The following SPG11 variants were observed in gnomAD, a reference collection of about 807,000 sequenced individuals.
SPG11 encodes SPG11 vesicle trafficking associated, spatacsin, also known as spatacsin.
Under a neutral mutation model 274.0 loss-of-function variants are expected in SPG11, and 222 were observed. The ratio of observed to expected loss-of-function variants is 0.81; its 90% CI spans 0.73 to 0.91. The LOEUF (loss-of-function observed/expected upper bound fraction) is 0.91. SPG11 is among the 40% of genes least tolerant of loss of function. The pLI is 0.00. For missense variants in SPG11, 3,114 were observed against 2,872.7 expected (o/e 1.08, Z -1.92); for synonymous variants, 1,144 against 1,039.7 (o/e 1.10, Z -1.93).
chr15:44,566,126 C>T (rs1255098667), intron 37 of SPG11, 91 bp downstream of exon 37: 4 of 1,589,120 alleles, frequency 2.5e-6, no homozygotes, highest in Non-Finnish European at 3.4e-6. Context: ...TGCCCTCCCG[C>T]TTCACCTGGA....
chr15:44,569,947 A>G (rs971294637), intron 34 of SPG11, among the ~76,000 whole-genome samples: 3 of 152,118 alleles, frequency 2.0e-5, no homozygotes, highest in African/African-American at 7.2e-5. Flanking sequence ...ACCTCAGGCA[A>G]TCCGCCTGCC....
rs2082303234 is a variant in SPG11, at chr15:44,566,113, T to C, written c.6843+104A>G. 11 of 1,589,904 alleles carry C rather than the reference T, an allele frequency of 6.9e-6. No individual in the cohort carries two copies. In the East Asian group the frequency reaches 1.1e-4, roughly 16 times the overall value. Reference sequence around the variant, plus strand: ...ACCCCTTCTGTTCCTGGTTGGCCTATGATGCCCTCCCGCTTCACCTGGAAA... The same window carrying C: ...ACCCCTTCTGTTCCTGGTTGGCCTACGATGCCCTCCCGCTTCACCTGGAAA... On this transcript the variant is annotated intron_variant, in intron 37 of 39. Coordinates refer to ENST00000261866, the MANE Select transcript of SPG11 (RefSeq NM_025137.4).
At chr15:44,605,746 T>A (rs1310320465) in intron 20 of SPG11, among the ~76,000 whole-genome samples, 1 of 152,202 alleles carries the variant, frequency 6.6e-6, no homozygotes, top group Admixed American at 6.5e-5. Context: ...ATTTTTATGA[T>A]ACTATACTGG....
In SPG11 at chr15:44,633,536, A is replaced by C; in HGVS notation, c.1704T>G (p.Phe568Leu). The C allele has an allele frequency of 1.2e-6, 2 of 1,608,188 alleles. No homozygotes were observed. The highest frequency in any genetic ancestry group is 1.7e-6 in the Non-Finnish European group (2 of 1,175,384). Residue 568 changes from phenylalanine (F) to leucine (L), a missense_variant, in exon 8 of 40, where the codon TTT becomes TTG. Phe to Leu is a conservative substitution (Grantham distance 22). Coordinates refer to ENST00000261866, the MANE Select transcript of SPG11 (RefSeq NM_025137.4). ...PSSKSSVSDQ[F>L]DHLSSHLYLR... ...AATATAAATGGGATGACAAGTGATC[A>C]AACTGATCAGATACAGAAGATTTTG...
At chr15:44,581,225 G>C (rs2082652904) in intron 30 of SPG11, among the ~76,000 whole-genome samples, 1 of 152,128 alleles carries the variant, frequency 6.6e-6, no homozygotes, top group Admixed American at 6.5e-5. Flanking sequence ...TTTATTTTTT[G>C]AGACAGGTTC....
At chr15:44,614,399 T>C (rs1162838462) in intron 16 of SPG11, among the ~76,000 whole-genome samples, 1 of 152,070 alleles carries the variant, frequency 6.6e-6, no homozygotes, top group East Asian at 1.9e-4. Context: ...GCTGATTTAC[T>C]TCTTTGTAAA....
chr15:44,594,735 C>G (rs1439936232), intron 26 of SPG11, among the ~76,000 whole-genome samples: 2 of 151,996 alleles, frequency 1.3e-5, no homozygotes, highest in African/African-American at 2.4e-5. Context: ...GAACTACAAC[C>G]TTACAACCTG....
chr15:44,621,725 A>C (rs2083756535), intron 14 of SPG11, 34 bp downstream of exon 14: 2 of 1,587,458 alleles, frequency 1.3e-6, no homozygotes, highest in African/African-American at 2.7e-5. Flanking sequence ...ATCCTCATTC[A>C]GTATGTTCAT....
At chr15:44,565,791 A>AT in intron 38 of SPG11, 63 bp downstream of exon 38, 3 of 1,602,192 alleles carry the variant, frequency 1.9e-6, no homozygotes, top group Non-Finnish European at 2.6e-6. Context: ...TCTGGGTTCC[A>AT]TGAGTGGGAC....
rs2082402813 is a variant in SPG11, at chr15:44,570,605, C to T, written c.6397G>A (p.Glu2133Lys). 2 of 1,613,970 alleles carry T rather than the reference C, an allele frequency of 1.2e-6. No individual in the cohort carries two copies. Among genetic ancestry groups the T allele is most frequent in the African/African-American group, 2.7e-5 (2 of 74,912 alleles). The change falls in exon 34 of 40, where the codon GAG (glutamate) becomes AAG (lysine). Residue 2133 changes from glutamate to lysine, a missense_variant. Transcript: ENST00000261866. ...GCCTGTAGGACTCGGATGATGCCCT[C>T]CATGTGGCACGTCAGGGTGAAGCAA... ...HHCFTLTCHMEGIIRVLQAAH... is the reference protein window; with the variant it reads ...HHCFTLTCHMKGIIRVLQAAH...
chr15:44,592,588 C>A, intron 26 of SPG11, 150 bp from the exon 27 acceptor site: 1 of 656,880 alleles, frequency 1.5e-6, no homozygotes, highest in South Asian at 1.6e-5. Context: ...GGAAGCCGAG[C>A]CAGTGGGATC....
intron 17 of SPG11, among the ~76,000 whole-genome samples, chr15:44,612,300 C>T (rs1051230283): frequency 6.6e-6 from 1 of 152,142 alleles, no homozygotes; most frequent in Non-Finnish European, 1.5e-5. Flanking sequence ...TTAAAAAGTA[C>T]AGTGAAGATA....
chr15:44,607,523 C>T (rs2083352594), intron 19 of SPG11, among the ~76,000 whole-genome samples: 1 of 152,146 alleles, frequency 6.6e-6, no homozygotes. Context: ...CCCACCTTGG[C>T]CTCCCAAAGT....
intron 3 of SPG11, among the ~76,000 whole-genome samples, chr15:44,658,461 C>CTT (rs566387319): frequency 6.1e-4 from 85 of 139,900 alleles, no homozygotes; most frequent in African/African-American, 2.0e-3. Flanking sequence ...ACAACATAAG[C>CTT]TTTTTTTTTT....
At chr15:44,579,436 A>G (rs1232938965) in intron 30 of SPG11, among the ~76,000 whole-genome samples, 1 of 149,216 alleles carries the variant, frequency 6.7e-6, no homozygotes, top group Non-Finnish European at 1.5e-5. Context: ...CTGAGACAGG[A>G]GAATTGCTTG....
chr15:44,569,121 C>T (rs190175141), intron 35 of SPG11, among the ~76,000 whole-genome samples: 89 of 149,952 alleles, frequency 5.9e-4, no homozygotes, highest in South Asian at 1.1e-3. Flanking sequence ...GCCGAGATCA[C>T]GCCATTTGCA....
At position 44,569,427 on chromosome 15, in the gene SPG11, C is replaced by T. The variant is rs1304645892; in HGVS notation, c.6556G>A (p.Glu2186Lys). Residue 2186 changes from glutamate to lysine, a missense_variant, in exon 35 of 40, where the codon GAA (glutamate) becomes AAA (lysine). By Grantham distance (56) the Glu-to-Lys change is moderately conservative. Transcript: ENST00000261866. ...TCCAACTTCTTCCTCATTAGCACTTCAAAGTAGTGCTTTTTATGCAGCAAA... is the reference window on the plus strand; with the variant it reads ...TCCAACTTCTTCCTCATTAGCACTTTAAAGTAGTGCTTTTTATGCAGCAAA... ...FDLLHKKHYF[E>K]VLMRKKLDPS... The T allele has an allele frequency of 1.2e-6, 2 of 1,606,344 alleles. No homozygotes were observed. Among genetic ancestry groups the T allele is most frequent in the Non-Finnish European group, 1.7e-6 (2 of 1,175,760 alleles).
Position 44,615,421 on chromosome 15 carries a change from G to A in SPG11, c.2980C>T (p.Leu994Phe), listed in dbSNP as rs774749249. Residue 994 changes from leucine to phenylalanine, a missense_variant, in exon 16 of 40, where the codon CTC (leucine) becomes TTC (phenylalanine). Leu to Phe is a conservative substitution (Grantham distance 22, BLOSUM62 0). Transcript: ENST00000261866. ...EGWDFHSQFI[L>F]YCLEHSLQHL... ...TGCAGACTGTGCTCCAAACAATAGA[G>A]AATGAATTGAGAATGGAAATCCCAA... The A allele has an allele frequency of 6.2e-7, 1 of 1,614,098 alleles. No homozygotes were observed. The highest frequency in any genetic ancestry group is 1.1e-5 in the South Asian group (1 of 91,080).
chr15:44,589,547 G>A lies in SPG11; in HGVS notation c.4744-133C>T, dbSNP rs2082851157. 3 of 1,050,242 alleles carry A rather than the reference G, an allele frequency of 2.9e-6. No individual in the cohort carries two copies. In the African/African-American group the frequency reaches 4.8e-5, roughly 17 times the overall value. 65.1% of individuals were successfully genotyped at this position (1,050,242 alleles called of 1,614,324 possible). ...TCGCCTGTCATGAGGCACTTACTCA[G>A]TTCCTTTCCAAATGGCAGGAACTGG... is the stretch of plus-strand genomic sequence containing the variant. On this transcript the variant is annotated intron_variant, in intron 27 of 39. Coordinates refer to ENST00000261866, the MANE Select transcript of SPG11 (RefSeq NM_025137.4).
Sources: gnomAD v4.1 joint callset for allele counts (sites outside exome capture counted in the v4.1 genomes callset) on GRCh38, gnomAD v4.1.1 for gene constraint, MANE v1.5 for transcripts, NCBI Gene and HGNC (gene_info 2026-07-23, HGNC 2026-07-21) for gene names.